The following SRFBP1 variants were observed in gnomAD, a reference collection of about 807,000 sequenced individuals.
SRFBP1 encodes the protein serum response factor-binding protein 1.
In SRFBP1, 47 loss-of-function variants were observed where a neutral mutation model predicts 45.5. The ratio of observed to expected loss-of-function variants is 1.03; its 90% CI spans 0.82 to 1.32. The LOEUF (loss-of-function observed/expected upper bound fraction) is 1.32, where lower values mean the gene tolerates loss of function less well. SRFBP1 is among the 40% of genes most tolerant of loss of function. The pLI is 0.00. For missense variants in SRFBP1, 621 were observed against 484.6 expected, an observed-to-expected ratio of 1.28 and a Z score of -2.64; for synonymous variants, 203 against 166.3, an observed-to-expected ratio of 1.22 and a Z score of -1.70.
downstream of SRFBP1, among the ~76,000 whole-genome samples, chr5:122,032,287 A>G (rs1189958292): frequency 1.4e-5 from 2 of 148,034 alleles, no homozygotes; most frequent in African/African-American, 5.0e-5. Context: ...TCCTTTATGT[A>G]TATGAAACGG....
intron 4 of SRFBP1, among the ~76,000 whole-genome samples, chr5:122,001,443 T>C (rs1241737397): frequency 6.7e-6 from 1 of 149,990 alleles, no homozygotes; most frequent in Non-Finnish European, 1.5e-5. Flanking sequence ...GAACCTTTTG[T>C]TACAAATTTT....
chr5:121,985,181 C>A (rs1193493854), intron 3 of SRFBP1, among the ~76,000 whole-genome samples: 1 of 151,744 alleles, frequency 6.6e-6, no homozygotes, highest in African/African-American at 2.4e-5. Context: ...TGCTGATAGG[C>A]ACATTGGAGG....
At chr5:122,029,809 A>G (rs1329260513), downstream of SRFBP1, among the ~76,000 whole-genome samples, 2 of 152,202 alleles carry the variant, frequency 1.3e-5, no homozygotes, top group Non-Finnish European at 2.9e-5. Context: ...TTAATATAGA[A>G]GGGCAAATCC....
At chr5:122,062,429 G>GA (rs1754186339) in intron 2 of SRFBP1, among the ~76,000 whole-genome samples, 3 of 128,066 alleles carry the variant, frequency 2.3e-5, no homozygotes, top group Non-Finnish European at 3.4e-5. Flanking sequence ...CAAGTTTTCA[G>GA]ACAAAAAGGA....
chr5:122,041,442 C>T lies in SRFBP1; in HGVS notation n.311+19035C>T, dbSNP rs545800085. On this transcript the variant is annotated intron_variant and non_coding_transcript_variant, in intron 2 of 2. Transcript: ENST00000504881. ...TCTATTTTGGGCTCTTGGTCTTTTT[C>T]GTTATTTGTTTGTGGGAGCTCCTCA... Among the ~76,000 whole-genome samples the T allele has an allele frequency of 5.2e-4, 79 of 151,414 alleles. 3 individuals carry two copies. In the South Asian group the frequency reaches 0.016, roughly 31 times the overall value.
chr5:121,972,949 A>T (rs1725974898), intron 1 of SRFBP1, among the ~76,000 whole-genome samples: 1 of 152,056 alleles, frequency 6.6e-6, no homozygotes, highest in South Asian at 2.1e-4. Flanking sequence ...GAATGATGGC[A>T]GAACTTAGGG....
intron 2 of SRFBP1, among the ~76,000 whole-genome samples, chr5:122,045,903 G>A (rs78407485): frequency 0.042 from 6,452 of 152,220 alleles, 160 homozygotes; most frequent in African/African-American, 0.053. Context: ...TTGAATAGGA[G>A]TGGTGAGAGA....
chr5:122,029,231 G>A (rs1266098660), downstream of SRFBP1, among the ~76,000 whole-genome samples: 1 of 152,092 alleles, frequency 6.6e-6, no homozygotes, highest in African/African-American at 2.4e-5. Context: ...AGCCCAAAAT[G>A]TTAACAGTGC....
At chr5:121,983,272 T>A (rs17148670) in intron 3 of SRFBP1, among the ~76,000 whole-genome samples, 12,528 of 151,656 alleles carry the variant, frequency 0.083, 821 homozygotes, top group African/African-American at 0.18. Context: ...AGAATGAAAA[T>A]GGCTGTCTGT....
intron 2 of SRFBP1, among the ~76,000 whole-genome samples, chr5:122,038,691 G>C (rs986711918): frequency 1.3e-5 from 2 of 152,168 alleles, no homozygotes; most frequent in African/African-American, 2.4e-5. Flanking sequence ...AAAATGCAAG[G>C]CAGGCTTGAA....
chr5:122,019,206 A>G, intron 4 of SRFBP1, 54 bp from the exon 5 acceptor site: 7 of 1,421,750 alleles, frequency 4.9e-6, no homozygotes, highest in East Asian at 2.3e-5. Context: ...TTCACTTTCA[A>G]TAGTGTCATT....
At chr5:122,013,135 C>T (rs941547842) in intron 4 of SRFBP1, among the ~76,000 whole-genome samples, 2 of 152,098 alleles carry the variant, frequency 1.3e-5, no homozygotes, top group Non-Finnish European at 2.9e-5. Flanking sequence ...AAAGCTCATC[C>T]TCCCAGTGTT....
chr5:122,069,088 C>A (rs920249210), intron 2 of SRFBP1, among the ~76,000 whole-genome samples: 1 of 152,180 alleles, frequency 6.6e-6, no homozygotes, highest in Non-Finnish European at 1.5e-5. Context: ...TCATCTATCT[C>A]TAATGTTGTG....
intron 2 of SRFBP1, chr5:122,075,301 T>C (rs775060194): frequency 7.8e-5 from 83 of 1,070,046 alleles, no homozygotes; most frequent in Middle Eastern, 2.1e-4. Context: ...GTAATAGCAA[T>C]TTTCTCCCTT....
downstream of SRFBP1, chr5:122,077,654 C>A (rs1222871851): frequency 1.2e-6 from 2 of 1,607,856 alleles, no homozygotes; most frequent in African/African-American, 1.3e-5. This position sits in a 1 kb window ranked among gnomAD's most constrained non-coding sequence, Gnocchi z 4.9. Context: ...AGCGGTGACT[C>A]CAGATGAGCC....
intron 4 of SRFBP1, among the ~76,000 whole-genome samples, chr5:121,995,104 A>G (rs1189831314): frequency 1.3e-5 from 2 of 151,686 alleles, no homozygotes; most frequent in Non-Finnish European, 2.9e-5. Flanking sequence ...AGACAGATCA[A>G]CGAGACAGAA....
At chr5:122,016,983 C>A (rs753351252) in intron 4 of SRFBP1, among the ~76,000 whole-genome samples, 12 of 152,138 alleles carry the variant, frequency 7.9e-5, no homozygotes, top group African/African-American at 2.9e-4. Context: ...GTAATCCCAG[C>A]ACTTTGGGAG....
In SRFBP1 at chr5:122,045,727, G is replaced by A. The variant is rs1403697113; in HGVS notation, n.311+23320G>A. Among the ~76,000 whole-genome samples the A allele has an allele frequency of 2.0e-5, 3 of 152,084 alleles. No individual in the cohort carries two copies. The East Asian group carries it at 5.8e-4, about 29-fold the overall frequency. ...TTTTGTATCTTGAAACTTTCCTGAA[G>A]GTCTTTATCATATTGAGGAGCTTTT... On this transcript the variant is annotated intron_variant and non_coding_transcript_variant, in intron 2 of 2. Transcript: ENST00000504881.
chr5:122,008,549 C>G (rs1228743522), intron 4 of SRFBP1, among the ~76,000 whole-genome samples: 1 of 152,060 alleles, frequency 6.6e-6, no homozygotes, highest in Non-Finnish European at 1.5e-5. Flanking sequence ...ACTGTCCTTC[C>G]TACTCTCTTC....
Sources: gnomAD v4.1 joint callset for allele counts (sites outside exome capture counted in the v4.1 genomes callset) on GRCh38, gnomAD v4.1.1 for gene constraint, Gnocchi (gnomAD v3.1) non-coding constraint, MANE v1.5 for transcripts, NCBI Gene and HGNC (gene_info 2026-07-23, HGNC 2026-07-21) for gene names.